The following CADM2 variants were observed in gnomAD, a reference collection of about 807,000 sequenced individuals.
CADM2 encodes the protein cell adhesion molecule 2, also known as immunoglobulin superfamily member 4D.
In CADM2, 12 loss-of-function variants were observed where a neutral mutation model predicts 49.8. The ratio of observed to expected loss-of-function variants is 0.24; its 90% CI spans 0.15 to 0.39. The LOEUF (loss-of-function observed/expected upper bound fraction) is 0.39. CADM2 is among the 10% of genes least tolerant of loss of function. The pLI is 1.00. For missense variants in CADM2, 378 were observed against 492.3 expected (o/e 0.77, Z 2.20); for synonymous variants, 214 against 175.4 (o/e 1.22, Z -1.74).
chr3:85,787,224 A>G (rs1371093489), intron 2 of CADM2, among the ~76,000 whole-genome samples: 1 of 152,130 alleles, frequency 6.6e-6, no homozygotes, highest in East Asian at 1.9e-4. Flanking sequence ...ATGTGAGCAT[A>G]TAGATAACAA....
chr3:85,909,074 C>A (rs1717206324), intron 5 of CADM2, among the ~76,000 whole-genome samples: 1 of 152,116 alleles, frequency 6.6e-6, no homozygotes, highest in Non-Finnish European at 1.5e-5. Context: ...ATAAGCTAAT[C>A]TTAACTGTAA....
At chr3:85,484,077 C>A (rs905962960) in intron 1 of CADM2, among the ~76,000 whole-genome samples, 21 of 151,844 alleles carry the variant, frequency 1.4e-4, no homozygotes, top group African/African-American at 4.8e-4. Context: ...TCTAAAGTAG[C>A]CTGGAGGCAT....
At chr3:85,596,821 A>G (rs1273846626) in intron 1 of CADM2, among the ~76,000 whole-genome samples, 20 of 152,062 alleles carry the variant, frequency 1.3e-4, no homozygotes. Context: ...AGTTCAAGCA[A>G]TCTCCCAACC....
chr3:86,002,006 A>T (rs748092753), intron 8 of CADM2, among the ~76,000 whole-genome samples: 1 of 152,062 alleles, frequency 6.6e-6, no homozygotes, highest in Non-Finnish European at 1.5e-5. Context: ...TCACCAGTGG[A>T]TGGGAACAGA....
chr3:85,898,564 C>A (rs2108441680), intron 5 of CADM2, among the ~76,000 whole-genome samples: 1 of 149,856 alleles, frequency 6.7e-6, no homozygotes, highest in South Asian at 2.2e-4. Flanking sequence ...AGGGTCTGTA[C>A]ATATCTTTCT....
At chr3:85,234,606 A>G (rs2042370909) in intron 1 of CADM2, among the ~76,000 whole-genome samples, 1 of 152,182 alleles carries the variant, frequency 6.6e-6, no homozygotes. Flanking sequence ...TATATCAAGA[A>G]TCAAATCTTC....
At chr3:85,662,739 A>T (rs1002303046) in intron 1 of CADM2, among the ~76,000 whole-genome samples, 3 of 152,068 alleles carry the variant, frequency 2.0e-5, no homozygotes, top group Admixed American at 6.6e-5. Flanking sequence ...ACCTATCCCA[A>T]GAATATTTAA....
chr3:85,569,701 C>CAAAAAA (rs781598979), intron 1 of CADM2, among the ~76,000 whole-genome samples: 1 of 114,746 alleles, frequency 8.7e-6, no homozygotes, highest in Non-Finnish European at 1.7e-5. Context: ...TTTCTAATGG[C>CAAAAAA]AAAAAAAAAA....
intron 1 of CADM2, among the ~76,000 whole-genome samples, chr3:85,073,946 C>T (rs891571975): frequency 6.6e-6 from 1 of 151,862 alleles, no homozygotes; most frequent in African/African-American, 2.4e-5. Context: ...CCAAGAATAA[C>T]GTGTATCCAT....
chr3:85,604,030 T>G (rs2063486161), intron 1 of CADM2, among the ~76,000 whole-genome samples: 1 of 151,972 alleles, frequency 6.6e-6, no homozygotes, highest in Non-Finnish European at 1.5e-5. Context: ...TAGAATCTTA[T>G]TATACATACT....
rs1703393047 is a variant in CADM2, at chr3:86,073,552, A to C, written c.*6769A>C. On this transcript the variant is annotated 3_prime_UTR_variant, in exon 10 of 10. Transcript: ENST00000383699. Reference sequence around the variant, plus strand: ...ATGTACAACTCTTATAAACATTTTTACAGGGTTCCCATTTGCACTTCATCT... The same window carrying C: ...ATGTACAACTCTTATAAACATTTTTCCAGGGTTCCCATTTGCACTTCATCT... 6.6e-6 allele frequency: 1 copy of C among 152,026 alleles called. No individual in the cohort carries two copies. The allele number at this position is 152,026 out of a possible 1,614,324, so 9.4% of individuals were successfully genotyped here.
intron 7 of CADM2, among the ~76,000 whole-genome samples, chr3:85,951,703 A>G (rs1256322309): frequency 1.3e-5 from 2 of 151,038 alleles, no homozygotes; most frequent in African/African-American, 4.8e-5. Flanking sequence ...TGGCTTTAAA[A>G]TTGCCTTTGT....
At chr3:85,227,204 G>A (rs1284445473) in intron 1 of CADM2, among the ~76,000 whole-genome samples, 1 of 152,098 alleles carries the variant, frequency 6.6e-6, no homozygotes, top group African/African-American at 2.4e-5. Flanking sequence ...TCGTTGATCT[G>A]TCTAATATTG....
chr3:85,014,083 A>G (rs2034134542), intron 1 of CADM2, among the ~76,000 whole-genome samples: 1 of 145,782 alleles, frequency 6.9e-6, no homozygotes, highest in African/African-American at 2.5e-5. Context: ...TATTATATAT[A>G]CGCAGTGTAA....
chr3:85,159,412 G>A (rs943909084), intron 1 of CADM2, among the ~76,000 whole-genome samples: 6 of 152,146 alleles, frequency 3.9e-5, no homozygotes. Flanking sequence ...GGAAATTAGG[G>A]TTGTAGACTG....
At chr3:85,265,284 G>A (rs569625233) in intron 1 of CADM2, among the ~76,000 whole-genome samples, 3 of 151,500 alleles carry the variant, frequency 2.0e-5, no homozygotes, top group African/African-American at 7.3e-5. Flanking sequence ...AATTGTGAAT[G>A]TACTATCAAG....
intron 1 of CADM2, among the ~76,000 whole-genome samples, chr3:85,558,086 A>G (rs1000891013): frequency 2.0e-5 from 3 of 151,808 alleles, no homozygotes; most frequent in African/African-American, 7.3e-5. Flanking sequence ...GATCACAAAC[A>G]CTTCCTTGAT....
intron 1 of CADM2, among the ~76,000 whole-genome samples, chr3:85,561,732 A>T (rs1267452846): frequency 6.6e-6 from 1 of 152,200 alleles, no homozygotes; most frequent in East Asian, 1.9e-4. Flanking sequence ...CATTCATTCA[A>T]TAACACTATA....
intron 1 of CADM2, among the ~76,000 whole-genome samples, chr3:85,553,724 T>A (rs1033564611): frequency 6.6e-6 from 1 of 152,198 alleles, no homozygotes; most frequent in African/African-American, 2.4e-5. Flanking sequence ...ATCTGCATTC[T>A]CTTATGTCAA....
Sources: gnomAD v4.1 joint callset for allele counts (sites outside exome capture counted in the v4.1 genomes callset) on GRCh38, gnomAD v4.1.1 for gene constraint, MANE v1.5 for transcripts, NCBI Gene and HGNC (gene_info 2026-07-23, HGNC 2026-07-21) for gene names.